ABCC8: variants seen among roughly 807,000 people sequenced by gnomAD.
ABCC8 encodes the protein ATP binding cassette subfamily C member 8.
In ABCC8, 137 loss-of-function variants were observed where a neutral mutation model predicts 188.0. The observed-to-expected ratio is 0.73, with a 90% CI of 0.63 to 0.84. The LOEUF (loss-of-function observed/expected upper bound fraction) is 0.84, where lower values mean the gene tolerates loss of function less well. Among genes scored for constraint, ABCC8 ranks in the 40% least tolerant of loss-of-function variants. ABCC8 has a pLI of 0.00. For missense variants in ABCC8, 1,750 were observed against 2,072.7 expected (o/e 0.84, Z 3.02); for synonymous variants, 797 against 846.5 (o/e 0.94, Z 1.01).
intron 33 of ABCC8, 102 bp from the exon 34 acceptor site, chr11:17,396,032 G>A (rs776191399): frequency 2.2e-5 from 34 of 1,534,622 alleles, no homozygotes; most frequent in Non-Finnish European, 2.6e-5. Context: ...AGGTCACAGG[G>A]TATCTTTTTG....
In ABCC8 at chr11:17,415,223, C is replaced by T. The variant is rs1251511573; in HGVS notation, c.2291+81G>A. On this transcript the variant is annotated intron_variant, in intron 18 of 38. Transcript: ENST00000389817. The stretch of plus-strand genomic sequence containing the variant: ...GGGCTGGGGTCTGGGGGCTGCCCAG[C>T]AGGGTGATGTGGCTCCCTTGGGCCT... 3 of 1,551,508 alleles carry T rather than the reference C, an allele frequency of 1.9e-6. No individual in the cohort carries two copies. The African/African-American group carries it at 4.1e-5, about 21-fold the overall frequency.
intron 23 of ABCC8, chr11:17,408,125 C>T (rs1954628959): frequency 1.1e-5 from 4 of 372,752 alleles, no homozygotes; most frequent in Non-Finnish European, 1.9e-5. Flanking sequence ...TTTTCTTTGC[C>T]AGTTTGAGTT....
Position 17,404,401 on chromosome 11 carries a change from T to G in ABCC8, c.3557+111A>C. 5.1e-6 allele frequency: 6 copies of G among 1,179,286 alleles called. No homozygotes were observed. The Admixed American group carries it at 5.2e-5, about 10-fold the overall frequency. The allele number at this position is 1,179,286 out of a possible 1,614,324, so 73.1% of individuals were successfully genotyped here. A position where few individuals can be genotyped will look rare whatever the true frequency, so the allele number is the denominator to read the frequency against. On this transcript the variant is annotated intron_variant, in intron 28 of 38. Transcript: ENST00000389817. This position sits in a 1 kb window ranked among gnomAD's most constrained non-coding sequence, Gnocchi z 4.7. ...TTTCCTTCATTTCTGTTTTTTGTTTTTATTTTTTGGAGGGAACACGACCCT... is the reference window on the plus strand; with the variant it reads ...TTTCCTTCATTTCTGTTTTTTGTTTGTATTTTTTGGAGGGAACACGACCCT...
At chr11:17,469,055 C>G (rs943308096) in intron 3 of ABCC8, among the ~76,000 whole-genome samples, 1 of 4,208 alleles carries the variant, frequency 2.4e-4, no homozygotes, top group Non-Finnish European at 7.0e-4. Context: ...TTCTCCCTCC[C>G]TCCTCCCTCC....
At chr11:17,428,810 C>G (rs1464277434) in intron 12 of ABCC8, 140 bp from the exon 13 acceptor site, 3 of 1,473,564 alleles carry the variant, frequency 2.0e-6, no homozygotes, top group Non-Finnish European at 2.7e-6. Flanking sequence ...AGGGGGCAGA[C>G]CAGTGGGCAT....
At chr11:17,450,676 C>T (rs1031195920) in intron 7 of ABCC8, among the ~76,000 whole-genome samples, 3 of 141,540 alleles carry the variant, frequency 2.1e-5, no homozygotes, top group Admixed American at 7.4e-5. Context: ...GGATTACAGG[C>T]ATGAGCCACT....
chr11:17,470,096 C>T lies in ABCC8; in HGVS notation c.412+5G>A. ...TACTGCCCCTCCCTCCTACACCTCA[C>T]CTACCAATTAGCAGCTTGGGGAAGT... On this transcript the variant is annotated splice_donor_5th_base_variant and intron_variant, in intron 3 of 38. Coordinates refer to ENST00000389817, the MANE Select transcript of ABCC8 (RefSeq NM_000352.6). 6.2e-7 allele frequency: 1 copy of T among 1,614,160 alleles called. No homozygotes were observed. The highest frequency in any genetic ancestry group is 8.5e-7 in the Non-Finnish European group (1 of 1,180,012).
intron 22 of ABCC8, among the ~76,000 whole-genome samples, chr11:17,409,618 T>C (rs1309690236): frequency 2.0e-5 from 3 of 152,192 alleles, no homozygotes; most frequent in Non-Finnish European, 4.4e-5. Context: ...GAAGATTTAT[T>C]TTGGGGAAAA....
chr11:17,419,631 T>C (rs1244371632), intron 16 of ABCC8, among the ~76,000 whole-genome samples: 1 of 152,210 alleles, frequency 6.6e-6, no homozygotes, highest in African/African-American at 2.4e-5. Context: ...AGAAAAAACA[T>C]AATTTTTACA....
chr11:17,463,632 A>T, intron 3 of ABCC8, 28 bp from the exon 4 acceptor site: 2 of 1,558,910 alleles, frequency 1.3e-6, no homozygotes, highest in Non-Finnish European at 1.7e-6. Flanking sequence ...AAGATCGCAG[A>T]GACGTGTGTG....
intron 16 of ABCC8, 156 bp from the exon 17 acceptor site, chr11:17,417,118 C>A: frequency 8.4e-6 from 8 of 951,896 alleles, no homozygotes; most frequent in Non-Finnish European, 1.0e-5. Context: ...AGAAAGCACT[C>A]TTCTCAATCT....
intron 2 of ABCC8, among the ~76,000 whole-genome samples, chr11:17,471,201 G>A (rs1848459185): frequency 6.6e-6 from 1 of 152,232 alleles, no homozygotes; most frequent in Non-Finnish European, 1.5e-5. Context: ...CTGATGGTAT[G>A]GAGGGGGCTG....
In ABCC8 at chr11:17,395,910, G is replaced by T. The variant is rs574684578; in HGVS notation, c.4140C>A (p.Thr1380=). The change falls in exon 34 of 39, where the codon ACC becomes ACA. Residue 1380 remains threonine (T), a synonymous_variant. Coordinates refer to ENST00000389817, the MANE Select transcript of ABCC8 (RefSeq NM_000352.6). ...PGQKIGICGR[T]GSGKSSFSLA... ...GAGAGAAGGAGGACTTCCCACTGCC[G>T]GTGCGGCCGCAGATCCCGATCTGGA... 5 of 1,587,084 alleles carry T rather than the reference G, an allele frequency of 3.2e-6. No individual in the cohort carries two copies. The highest frequency in any genetic ancestry group is 4.3e-6 in the Non-Finnish European group (5 of 1,165,452).
At chr11:17,423,224 G>GTGTACACC (rs1260955514) in intron 16 of ABCC8, among the ~76,000 whole-genome samples, 1 of 151,962 alleles carries the variant, frequency 6.6e-6, no homozygotes, top group Non-Finnish European at 1.5e-5. Context: ...CGGCATGGTG[G>GTGTACACC]TGTACACCTG....
Position 17,396,981 on chromosome 11 carries a change from G to A in ABCC8, c.4054C>T (p.Arg1352Cys), listed in dbSNP as rs1434876771. The A allele has an allele frequency of 5.0e-6, 8 of 1,614,220 alleles. No individual in the cohort carries two copies. Among genetic ancestry groups the A allele is most frequent in the East Asian group, 2.2e-5 (1 of 44,882 alleles). The change falls in exon 33 of 39, where the codon CGC (arginine) becomes TGC (cysteine). Residue 1352 changes from arginine to cysteine, a missense_variant. By Grantham distance (180) the Arg-to-Cys change is radical. Transcript: ENST00000389817. ...ACCGGCTTCAGGGAGCTGTCGTAGCGCACGCTCAGGTTCTGGATCTGGATC... is the reference window on the plus strand; with the variant it reads ...ACCGGCTTCAGGGAGCTGTCGTAGCACACGCTCAGGTTCTGGATCTGGATC... ...GKIQIQNLSV[R>C]YDSSLKPVLK...
chr11:17,395,440 TG>T, intron 35 of ABCC8, 165 bp from the exon 36 acceptor site: 1 of 1,475,696 alleles, frequency 6.8e-7, no homozygotes, highest in Middle Eastern at 1.7e-4. Context: ...GACCCATGGG[TG>T]GGGGATCCCC....
chr11:17,410,671 G>A lies in ABCC8; in HGVS notation c.2557-18C>T, dbSNP rs1954766265. 1 of 1,613,892 alleles carries A rather than the reference G, an allele frequency of 6.2e-7. No homozygotes were observed. Among genetic ancestry groups the A allele is most frequent in the Non-Finnish European group, 8.5e-7 (1 of 1,179,818 alleles). ...GGGTCATCCTGGGCAGAAGGGAGAG[G>A]AAGAGAGTAGAGGGTAGGGAAAGGC... On this transcript the variant is annotated intron_variant, in intron 21 of 38. Coordinates refer to ENST00000389817, the MANE Select transcript of ABCC8 (RefSeq NM_000352.6).
At chr11:17,442,642 C>T in intron 10 of ABCC8, 78 bp downstream of exon 10, 1 of 1,447,948 alleles carries the variant, frequency 6.9e-7, no homozygotes, top group East Asian at 2.3e-5. Context: ...CCCTGCACCC[C>T]CTCTTACCCG....
intron 16 of ABCC8, among the ~76,000 whole-genome samples, chr11:17,424,947 A>G (rs995461053): frequency 2.0e-5 from 3 of 152,228 alleles, no homozygotes; most frequent in African/African-American, 7.2e-5. Context: ...TCATGTTGAC[A>G]ATGCACTTAG....
Sources: gnomAD v4.1 joint callset for allele counts (sites outside exome capture counted in the v4.1 genomes callset) on GRCh38, gnomAD v4.1.1 for gene constraint, Gnocchi (gnomAD v3.1) non-coding constraint, MANE v1.5 for transcripts, NCBI Gene and HGNC (gene_info 2026-07-23, HGNC 2026-07-21) for gene names.